BRCA1: variants seen among roughly 807,000 people sequenced by gnomAD.
The protein encoded by BRCA1 is breast cancer type 1 susceptibility protein.
A neutral mutation model predicts 173.7 loss-of-function variants in BRCA1; 140 were observed. The observed-to-expected ratio is 0.81, with a 90% CI of 0.70 to 0.93. The LOEUF (loss-of-function observed/expected upper bound fraction) is 0.93, where lower values mean the gene tolerates loss of function less well. Ranked by LOEUF, BRCA1 falls within the 40% of genes least tolerant of loss-of-function variation. The pLI is 0.00. For synonymous variants in BRCA1, 662 were observed against 756.0 expected (o/e 0.88, Z 2.04); for missense variants, 1,983 against 2,172.5 (o/e 0.91, Z 1.73).
rs397507232 is a variant in BRCA1 at position 43,076,516 on chromosome 17, T to A, written c.4456A>T (p.Ser1486Cys). ...TCCACTCCTGGTTCTTTATTTTTAC[T>A]GGTAGAACTATCTGCAGACACCTCA... is the stretch of plus-strand genomic sequence containing the variant. Reference protein sequence around the residue: ...KFEVSADSSTSKNKEPGVERS... With the variant: ...KFEVSADSSTCKNKEPGVERS... Residue 1486 changes from serine to cysteine, a missense_variant, in exon 13 of 23, where the codon AGT becomes TGT. By Grantham distance (112) the Ser-to-Cys change is moderately radical. Coordinates refer to ENST00000357654, the MANE Select transcript of BRCA1 (RefSeq NM_007294.4). 1 of 1,613,876 alleles carries A rather than the reference T, an allele frequency of 6.2e-7. No homozygotes were observed. The highest frequency in any genetic ancestry group is 2.2e-5 in the East Asian group (1 of 44,830).
intron 19 of BRCA1, 137 bp downstream of exon 19, chr17:43,056,912 AAAG>A: frequency 2.5e-6 from 2 of 815,842 alleles, no homozygotes; most frequent in Non-Finnish European, 4.4e-6. Flanking sequence ...AAGAGTGAAA[AAAG>A]AACCTGTGTG....
intron 11 of BRCA1, among the ~76,000 whole-genome samples, chr17:43,084,362 C>T (rs1444522394): frequency 2.0e-5 from 3 of 151,686 alleles, no homozygotes; most frequent in Non-Finnish European, 2.9e-5. Flanking sequence ...GACGGGGTTT[C>T]ACCATGTTGG....
chr17:43,127,835 T>TA (rs1298884052), upstream of BRCA1, among the ~76,000 whole-genome samples: 1 of 151,190 alleles, frequency 6.6e-6, no homozygotes. Flanking sequence ...CCATCCTGGC[T>TA]AACACAGTGA....
chr17:43,048,260 T>C (rs896211723), intron 21 of BRCA1, among the ~76,000 whole-genome samples: 3 of 152,296 alleles, frequency 2.0e-5, no homozygotes, highest in South Asian at 4.1e-4. Flanking sequence ...TGGAGTGCAG[T>C]GGCGCGATCT....
At chr17:43,151,242 T>G (rs2056159582) in intron 1 of BRCA1, among the ~76,000 whole-genome samples, 1 of 152,216 alleles carries the variant, frequency 6.6e-6, no homozygotes, top group Non-Finnish European at 1.5e-5. Context: ...TATCTATGAC[T>G]GTCAAACATT....
At chr17:43,108,706 CAAAAAAAAAAAAAA>C (rs35561635) in intron 3 of BRCA1, among the ~76,000 whole-genome samples, 1 of 16,088 alleles carries the variant, frequency 6.2e-5, no homozygotes, top group Non-Finnish European at 1.2e-4. Flanking sequence ...GACTCTGTCT[CAAAAAAAAAAAAAA>C]AAAAAAAAAA....
chr17:43,134,391 A>G (rs1252113305), intron 1 of BRCA1, among the ~76,000 whole-genome samples: 1 of 152,158 alleles, frequency 6.6e-6, no homozygotes, highest in Non-Finnish European at 1.5e-5. Flanking sequence ...AGGAGTTCCT[A>G]AAAAGCAGAC....
intron 2 of BRCA1, among the ~76,000 whole-genome samples, chr17:43,119,690 CTGAT>C (rs2055460994): frequency 6.6e-6 from 1 of 152,176 alleles, no homozygotes; most frequent in Non-Finnish European, 1.5e-5. Context: ...AAAGAAAACT[CTGAT>C]TGGTTACTAA....
chr17:43,146,299 CTTTTTTTTTTT>C (rs774223347), intron 1 of BRCA1, among the ~76,000 whole-genome samples: 4 of 76,114 alleles, frequency 5.3e-5, no homozygotes, highest in Non-Finnish European at 7.0e-5. Context: ...ATTTTTGTTA[CTTTTTTTTTTT>C]TTTTTTTTTT....
rs187482044 is a variant in BRCA1 at position 43,095,598 on chromosome 17, A to T, written c.670+248T>A. Reference sequence around the variant, plus strand: ...CCCCATCTCAAAAAAAAACAAACAAACAAACAAAAAAAAAAACGAAAGGGC... The same window carrying T: ...CCCCATCTCAAAAAAAAACAAACAATCAAACAAAAAAAAAAACGAAAGGGC... On this transcript the variant is annotated intron_variant, in intron 9 of 22. Coordinates refer to ENST00000357654, the MANE Select transcript of BRCA1 (RefSeq NM_007294.4). Among the ~76,000 whole-genome samples, 711 of 151,636 alleles carry T rather than the reference A, an allele frequency of 4.7e-3. 2 individuals carry two copies. Among genetic ancestry groups the T allele is most frequent in the Non-Finnish European group, 7.6e-3 (513 of 67,872 alleles).
intron 4 of BRCA1, 37 bp downstream of exon 4, chr17:43,106,419 G>A (rs777885366): frequency 1.6e-5 from 21 of 1,349,732 alleles, no homozygotes; most frequent in Non-Finnish European, 1.9e-5. Context: ...TCCTACTGTG[G>A]TTGCTTCCAA....
intron 11 of BRCA1, among the ~76,000 whole-genome samples, chr17:43,083,301 G>T (rs1437257230): frequency 6.6e-6 from 1 of 151,772 alleles, no homozygotes; most frequent in Non-Finnish European, 1.5e-5. Flanking sequence ...CATTACAGGT[G>T]CTTGCCAAGA....
chr17:43,116,992 C>T (rs1239715660), intron 2 of BRCA1, among the ~76,000 whole-genome samples: 3 of 152,176 alleles, frequency 2.0e-5, no homozygotes, highest in Non-Finnish European at 2.9e-5. Context: ...ACTAGACTTA[C>T]AGGCTTAATC....
intron 1 of BRCA1, among the ~76,000 whole-genome samples, chr17:43,141,768 C>T (rs1160143655): frequency 6.6e-6 from 1 of 151,664 alleles, no homozygotes. Flanking sequence ...GCCGAGATCG[C>T]ACCACTGCAC....
chr17:43,148,288 CAAAA>C, intron 1 of BRCA1: 1 of 143,312 alleles, frequency 7.0e-6, no homozygotes, highest in Non-Finnish European at 1.4e-5. Flanking sequence ...AACTCCATCT[CAAAA>C]AAAAAAAAAA....
intron 1 of BRCA1, chr17:43,170,114 G>A (rs528078321): frequency 1.1e-4 from 32 of 290,950 alleles, no homozygotes; most frequent in African/African-American, 6.9e-4. Flanking sequence ...TGCCGGACGC[G>A]GTGCTACTCA....
In BRCA1 at chr17:43,106,560, A is replaced by T. The variant is rs373363231; in HGVS notation, c.135-27T>A. ...TATAAATTATAAAGAAAGAAAGAAC[A>T]ATTTAATTTACTTCCTTTTGTAGAA... On this transcript the variant is annotated intron_variant, in intron 3 of 22. Transcript: ENST00000357654. 29 of 1,482,874 alleles carry T rather than the reference A, an allele frequency of 2.0e-5. No individual in the cohort carries two copies. Among genetic ancestry groups the T allele is most frequent in the Non-Finnish European group, 2.6e-5 (28 of 1,065,922 alleles). 91.9% of individuals were successfully genotyped at this position (1,482,874 alleles called of 1,614,324 possible).
At chr17:43,139,658 C>T (rs536228938) in intron 1 of BRCA1, among the ~76,000 whole-genome samples, 68 of 152,040 alleles carry the variant, frequency 4.5e-4, no homozygotes, top group African/African-American at 1.6e-3. Flanking sequence ...CTGGCCAGTA[C>T]CCAGTAGTTT....
intron 3 of BRCA1, 135 bp downstream of exon 3, chr17:43,115,591 G>T: frequency 1.2e-6 from 1 of 828,544 alleles, no homozygotes; most frequent in Non-Finnish European, 1.9e-6. Context: ...CTCTGAGAAA[G>T]AATGAAATGG....
Sources: allele counts gnomAD v4.1 joint callset (sites outside exome capture counted in the v4.1 genomes callset), GRCh38; gene constraint gnomAD v4.1.1; transcripts MANE v1.5; gene names NCBI Gene and HGNC (gene_info 2026-07-23, HGNC 2026-07-21).